Variants in POLR3A observed in about 807,000 individuals in gnomAD.
POLR3A encodes DNA-directed RNA polymerase III subunit RPC1.
Under a neutral mutation model 152.8 loss-of-function variants are expected in POLR3A, and 112 were observed. That is an observed-to-expected ratio of 0.73 (90% CI 0.63 to 0.86). POLR3A has a LOEUF of 0.86. Ranked by LOEUF, POLR3A falls within the 40% of genes least tolerant of loss-of-function variation. POLR3A has a pLI of 0.00. For missense variants in POLR3A, 1,385 were observed against 1,743.1 expected (o/e 0.79, Z 3.66); for synonymous variants, 615 against 652.1 (o/e 0.94, Z 0.87).
At chr10:78,017,254 C>T (rs888422266) in intron 10 of POLR3A, among the ~76,000 whole-genome samples, 1 of 151,706 alleles carries the variant, frequency 6.6e-6, no homozygotes, top group Non-Finnish European at 1.5e-5. Flanking sequence ...GTGAGACCCC[C>T]GTCTCAACCA....
rs562697624 is a variant in POLR3A at position 78,013,415 on chromosome 10, G to A, written c.1572+235C>T. 450 of 530,834 alleles carry A rather than the reference G, an allele frequency of 8.5e-4. 1 individual carries two copies. Among genetic ancestry groups the A allele is most frequent in the South Asian group, 1.2e-3 (58 of 47,320 alleles). The allele number at this position is 530,834 out of a possible 1,614,324, so 32.9% of individuals were successfully genotyped here. A position where few individuals can be genotyped will look rare whatever the true frequency, so the allele number is the denominator to read the frequency against. ...TTATAGGCCAGAAAATCCCCTCAACGCATCTGTTACAGACCCTAACTCTCA... is the reference window on the plus strand; with the variant it reads ...TTATAGGCCAGAAAATCCCCTCAACACATCTGTTACAGACCCTAACTCTCA... On this transcript the variant is annotated intron_variant, in intron 11 of 30. Coordinates refer to ENST00000372371, the MANE Select transcript of POLR3A (RefSeq NM_007055.4).
intron 15 of POLR3A, among the ~76,000 whole-genome samples, chr10:78,005,466 C>T (rs1376350540): frequency 1.3e-5 from 2 of 152,218 alleles, no homozygotes; most frequent in Admixed American, 6.5e-5. Flanking sequence ...AAAAAGTATT[C>T]TCCAACTTTG....
chr10:78,028,233 C>T (rs1847656267), intron 1 of POLR3A, among the ~76,000 whole-genome samples: 1 of 152,210 alleles, frequency 6.6e-6, no homozygotes. Flanking sequence ...CTTAACACAG[C>T]TTCAAGTCTT....
intron 26 of POLR3A, 34 bp from the exon 27 acceptor site, chr10:77,982,851 C>T (rs1163401660): frequency 6.2e-7 from 1 of 1,606,290 alleles, no homozygotes; most frequent in South Asian, 1.1e-5. Flanking sequence ...GTTACTGATT[C>T]CAGTGTTGTT....
At position 78,009,692 on chromosome 10, in the gene POLR3A, G is replaced by C; in HGVS notation, c.1771-17C>G. On this transcript the variant is annotated splice_polypyrimidine_tract_variant and intron_variant, in intron 13 of 30. Coordinates refer to ENST00000372371, the MANE Select transcript of POLR3A (RefSeq NM_007055.4). ...GGTGACAGGCTGAGGGGGGGAGGAA[G>C]CCTGAGAGTCAGTGGGCTGAGCCTG... The C allele has an allele frequency of 6.2e-7, 1 of 1,614,154 alleles. No homozygotes were observed. Among genetic ancestry groups the C allele is most frequent in the East Asian group, 2.2e-5 (1 of 44,870 alleles).
intron 5 of POLR3A, among the ~76,000 whole-genome samples, chr10:78,023,752 T>C (rs2131959941): frequency 6.6e-6 from 1 of 151,872 alleles, no homozygotes; most frequent in East Asian, 1.9e-4. Flanking sequence ...CACTCCAGCC[T>C]GGGAGACAGA....
At position 78,002,182 on chromosome 10, in the gene POLR3A, GA is replaced by G. The variant is rs1564618154; in HGVS notation, c.2359+14del. 1 of 1,524,322 alleles carries G rather than the reference GA, an allele frequency of 6.6e-7. No individual in the cohort carries two copies. 94.4% of individuals were successfully genotyped at this position (1,524,322 alleles called of 1,614,324 possible). Reference sequence around the variant, plus strand: ...GAGAACACACTGCCAGCAGGTGAGAGAGGGGCATGCAGACCTTTGGAGCCGC... The same window carrying G: ...GAGAACACACTGCCAGCAGGTGAGAGGGGGCATGCAGACCTTTGGAGCCGC... On this transcript the variant is annotated intron_variant, in intron 17 of 30. Coordinates refer to ENST00000372371, the MANE Select transcript of POLR3A (RefSeq NM_007055.4).
intron 7 of POLR3A, 87 bp from the exon 8 acceptor site, chr10:78,021,769 G>A: frequency 6.2e-7 from 1 of 1,608,648 alleles, no homozygotes; most frequent in Non-Finnish European, 8.5e-7. Flanking sequence ...AGGAAAGCCT[G>A]TGACCTCCAA....
chr10:78,029,178 A>C (rs2131964050), intron 1 of POLR3A, among the ~76,000 whole-genome samples, 186 bp downstream of exon 1: 1 of 152,248 alleles, frequency 6.6e-6, no homozygotes, highest in Non-Finnish European at 1.5e-5. Context: ...GAGGTGCTGA[A>C]ATCCCCTCAG....
At chr10:77,996,756 C>G (rs537678573) in intron 19 of POLR3A, among the ~76,000 whole-genome samples, 3 of 152,286 alleles carry the variant, frequency 2.0e-5, no homozygotes, top group East Asian at 1.9e-4. Flanking sequence ...GGTACCATTC[C>G]TTCTGAAACT....
At chr10:78,023,582 C>T (rs1847601166) in intron 5 of POLR3A, among the ~76,000 whole-genome samples, 1 of 152,036 alleles carries the variant, frequency 6.6e-6, no homozygotes, top group South Asian at 2.1e-4. Context: ...GAGTTCAAAG[C>T]CTGGGCAACA....
chr10:78,012,333 CA>C (rs1307319090), intron 11 of POLR3A, among the ~76,000 whole-genome samples: 3 of 150,494 alleles, frequency 2.0e-5, no homozygotes, highest in Non-Finnish European at 4.4e-5. Context: ...CATTGCACTC[CA>C]GCCTGGGCAA....
intron 19 of POLR3A, among the ~76,000 whole-genome samples, chr10:77,997,751 T>A (rs1234060520): frequency 2.0e-5 from 3 of 151,324 alleles, no homozygotes; most frequent in African/African-American, 4.9e-5. Flanking sequence ...ATAGACTCAA[T>A]GCCATCCCCA....
intron 19 of POLR3A, among the ~76,000 whole-genome samples, chr10:77,995,646 C>A (rs899549910): frequency 2.6e-5 from 4 of 151,740 alleles, no homozygotes; most frequent in Non-Finnish European, 4.4e-5. Flanking sequence ...TACAGGAGCA[C>A]CCAGATTCAT....
chr10:78,004,550 C>T (rs1036033186), intron 16 of POLR3A, among the ~76,000 whole-genome samples, 166 bp downstream of exon 16: 1 of 152,258 alleles, frequency 6.6e-6, no homozygotes, highest in African/African-American at 2.4e-5. Context: ...ACAGGACAGA[C>T]GAGGACATAC....
rs1335564384 is a variant in POLR3A at position 77,982,730 on chromosome 10, C to A, written c.3517G>T (p.Val1173Leu). Reference sequence around the variant, plus strand: ...CTGTTCTCTCTGGGGGTGACACACACCACAGCCTCACCATGAACAGCCACA... The same window carrying A: ...CTGTTCTCTCTGGGGGTGACACACAACACAGCCTCACCATGAACAGCCACA... Reference protein sequence around the residue: ...GDVAVHGEAVVCVTPRENSKS... With the variant: ...GDVAVHGEAVLCVTPRENSKS... Residue 1173 changes from valine (V) to leucine (L), a missense_variant, in exon 27 of 31, where the codon GTG becomes TTG. Physicochemically the swap from Val to Leu is conservative, Grantham distance 32 (BLOSUM62 1). Coordinates refer to ENST00000372371, the MANE Select transcript of POLR3A (RefSeq NM_007055.4). The A allele has an allele frequency of 1.2e-6, 2 of 1,613,514 alleles. No homozygotes were observed. Among genetic ancestry groups the A allele is most frequent in the Non-Finnish European group, 1.7e-6 (2 of 1,179,670 alleles).
chr10:77,985,137 T>C (rs1220233712), intron 24 of POLR3A, 33 bp downstream of exon 24: 4 of 1,560,640 alleles, frequency 2.6e-6, no homozygotes, highest in African/African-American at 1.4e-5. Flanking sequence ...AGGACAGGCA[T>C]GTGTGGAACA....
rs893498398 is a variant in POLR3A, at chr10:78,026,226, G to C, written c.48C>G (p.Ser16Arg). The C allele has an allele frequency of 6.2e-7, 1 of 1,614,208 alleles. No individual in the cohort carries two copies. The highest frequency in any genetic ancestry group is 2.2e-5 in the East Asian group (1 of 44,894). ...FRETDVAKKI[S>R]HICFGMKSPE... ...GTGACTTCATTCCAAAACAGATGTGGCTTCTGGAATGGGAAGAAAAAGGTG... is the reference window on the plus strand; with the variant it reads ...GTGACTTCATTCCAAAACAGATGTGCCTTCTGGAATGGGAAGAAAAAGGTG... Residue 16 changes from serine to arginine, a missense_variant, in exon 2 of 31, where the codon AGC becomes AGG. Transcript: ENST00000372371.
chr10:78,010,303 A>G (rs1344051938), intron 12 of POLR3A, among the ~76,000 whole-genome samples, 168 bp downstream of exon 12: 5 of 148,056 alleles, frequency 3.4e-5, no homozygotes, highest in African/African-American at 1.3e-4. Context: ...AAAAAAAAAA[A>G]GAAAAAAAAA....
Sources: allele counts gnomAD v4.1 joint callset (sites outside exome capture counted in the v4.1 genomes callset), GRCh38; gene constraint gnomAD v4.1.1; transcripts MANE v1.5; gene names NCBI Gene and HGNC (gene_info 2026-07-23, HGNC 2026-07-21).